Variants in RIMS2 observed in about 807,000 individuals in gnomAD.
RIMS2 encodes the protein regulating synaptic membrane exocytosis 2, also known as regulating synaptic membrane exocytosis protein 2.
RIMS2 carries 59 observed loss-of-function variants against 174.4 expected under a neutral mutation model. That is an observed-to-expected ratio of 0.34 (90% CI 0.27 to 0.42). The LOEUF (loss-of-function observed/expected upper bound fraction) is 0.42. Ranked by LOEUF, RIMS2 falls within the 10% of genes least tolerant of loss-of-function variation. RIMS2 has a pLI of 1.00. For synonymous variants in RIMS2, 606 were observed against 572.5 expected, an observed-to-expected ratio of 1.06 and a Z score of -0.84; for missense variants, 1,620 against 1,666.3, an observed-to-expected ratio of 0.97 and a Z score of 0.48.
At chr8:103,850,933 T>C (rs2098994422) in intron 3 of RIMS2, among the ~76,000 whole-genome samples, 1 of 152,042 alleles carries the variant, frequency 6.6e-6, no homozygotes, top group South Asian at 2.1e-4. Flanking sequence ...ATCTATGATG[T>C]CCTTGAGTGG....
chr8:103,581,898 G>A (rs755698467), intron 1 of RIMS2, among the ~76,000 whole-genome samples: 3 of 152,172 alleles, frequency 2.0e-5, no homozygotes, highest in South Asian at 2.1e-4. Context: ...GAACTAGGCC[G>A]AGAGACAGTG....
At chr8:103,800,309 G>A (rs1050964222) in intron 3 of RIMS2, among the ~76,000 whole-genome samples, 41 of 151,806 alleles carry the variant, frequency 2.7e-4, no homozygotes, top group African/African-American at 9.2e-4. Flanking sequence ...TTTTCAAGTC[G>A]TAAGCCTTTT....
chr8:103,878,689 G>T (rs1476061012), intron 3 of RIMS2, among the ~76,000 whole-genome samples: 4 of 150,558 alleles, frequency 2.7e-5, no homozygotes, highest in Non-Finnish European at 5.9e-5. Context: ...GAATTCACCT[G>T]GTCTTGAGCT....
In RIMS2 at chr8:103,895,556, G is replaced by A. The variant is rs1387151599; in HGVS notation, c.1624+9333G>A. Among the ~76,000 whole-genome samples the A allele has an allele frequency of 2.0e-5, 3 of 151,482 alleles. No homozygotes were observed. In the East Asian group the frequency reaches 5.8e-4, roughly 29 times the overall value. On this transcript the variant is annotated intron_variant, in intron 4 of 23. Transcript: ENST00000504942. ...CTTCACCTCAAAAACTATTGTATTG[G>A]GGATTAAGGCTTCAACACATGAATT...
intron 1 of RIMS2, among the ~76,000 whole-genome samples, chr8:103,532,002 T>G (rs1837413124): frequency 6.6e-6 from 1 of 152,216 alleles, no homozygotes; most frequent in Admixed American, 6.5e-5. Context: ...TTATATGCAA[T>G]AAAGTAGAAT....
intron 19 of RIMS2, among the ~76,000 whole-genome samples, chr8:104,191,195 G>A (rs1218166977): frequency 1.3e-5 from 2 of 151,964 alleles, no homozygotes; most frequent in African/African-American, 2.4e-5. Flanking sequence ...GGTATTTATG[G>A]TGGGTTTCTC....
intron 19 of RIMS2, among the ~76,000 whole-genome samples, chr8:104,212,894 A>G (rs2137836972): frequency 6.6e-6 from 1 of 152,290 alleles, no homozygotes; most frequent in South Asian, 2.1e-4. Flanking sequence ...ATGGTTGAGT[A>G]TGGTGGGGGT....
intron 1 of RIMS2, among the ~76,000 whole-genome samples, chr8:103,663,622 G>A (rs546407985): frequency 2.0e-5 from 3 of 152,222 alleles, no homozygotes; most frequent in Non-Finnish European, 4.4e-5. Flanking sequence ...ACTGCTCAAC[G>A]AAATAAAAGA....
intron 1 of RIMS2, among the ~76,000 whole-genome samples, chr8:103,520,211 C>T (rs1055064194): frequency 6.6e-6 from 1 of 152,080 alleles, no homozygotes; most frequent in African/African-American, 2.4e-5. Context: ...GTGACGGGTA[C>T]ACAGAAGACA....
intron 3 of RIMS2, among the ~76,000 whole-genome samples, chr8:103,833,964 G>GT (rs2098841849): frequency 6.6e-6 from 1 of 152,068 alleles, no homozygotes; most frequent in Admixed American, 6.6e-5. Flanking sequence ...TCTGAAATTA[G>GT]TTTGTCCCTC....
chr8:104,207,894 A>T (rs1284033631), intron 19 of RIMS2, among the ~76,000 whole-genome samples: 4 of 151,268 alleles, frequency 2.6e-5, no homozygotes, highest in African/African-American at 9.7e-5. Flanking sequence ...CACTGCATAA[A>T]TGAGACACAG....
intron 19 of RIMS2, among the ~76,000 whole-genome samples, chr8:104,209,620 C>G (rs963632827): frequency 6.6e-6 from 1 of 152,046 alleles, no homozygotes; most frequent in African/African-American, 2.4e-5. Context: ...TGTCTGTTTC[C>G]CCTTGCTAGA....
intron 1 of RIMS2, among the ~76,000 whole-genome samples, chr8:103,583,961 C>G (rs2093760452): frequency 6.6e-6 from 1 of 152,074 alleles, no homozygotes; most frequent in South Asian, 2.1e-4. Flanking sequence ...TATCCAAGTA[C>G]AAGAAGGTTA....
chr8:103,785,744 G>T (rs1244803445), intron 3 of RIMS2, among the ~76,000 whole-genome samples: 4 of 152,142 alleles, frequency 2.6e-5, no homozygotes, highest in Non-Finnish European at 5.9e-5. Context: ...TGTTTGTTTT[G>T]TCTCTGCCTG....
At chr8:103,703,974 G>A (rs1269559625) in intron 2 of RIMS2, among the ~76,000 whole-genome samples, 2 of 151,742 alleles carry the variant, frequency 1.3e-5, no homozygotes, top group Non-Finnish European at 2.9e-5. Flanking sequence ...AATGCCTTTT[G>A]TCTATTTCTG....
At chr8:104,104,096 AG>A (rs1225372315) in intron 19 of RIMS2, among the ~76,000 whole-genome samples, 1 of 152,240 alleles carries the variant, frequency 6.6e-6, no homozygotes, top group Non-Finnish European at 1.5e-5. Flanking sequence ...AAAATAGATA[AG>A]TTATTAGATA....
chr8:104,138,942 T>C (rs2098544462), intron 19 of RIMS2, among the ~76,000 whole-genome samples: 1 of 152,214 alleles, frequency 6.6e-6, no homozygotes, highest in Non-Finnish European at 1.5e-5. Context: ...TTGATTTTTG[T>C]ATATGGCAAG....
Position 103,823,365 on chromosome 8 carries a change from A to G in RIMS2, c.698+56828A>G, listed in dbSNP as rs572824666. Among the ~76,000 whole-genome samples, 6 of 152,004 alleles carry G rather than the reference A, an allele frequency of 3.9e-5. No homozygotes were observed. The East Asian group carries it at 1.2e-3, about 29-fold the overall frequency. Reference sequence around the variant, plus strand: ...TGCAAGTAAGATAACCATACGATCCACTTTGTCTGGAGTACTCCCAGTTTA... The same window carrying G: ...TGCAAGTAAGATAACCATACGATCCGCTTTGTCTGGAGTACTCCCAGTTTA... On this transcript the variant is annotated intron_variant, in intron 3 of 23. Transcript: ENST00000504942.
At chr8:103,661,186 A>G (rs2096595644) in intron 1 of RIMS2, among the ~76,000 whole-genome samples, 1 of 152,224 alleles carries the variant, frequency 6.6e-6, no homozygotes, top group African/African-American at 2.4e-5. Context: ...AGATTCAGCT[A>G]TATAATTGCA....
Sources: gnomAD v4.1 joint callset for allele counts (sites outside exome capture counted in the v4.1 genomes callset) on GRCh38, gnomAD v4.1.1 for gene constraint, MANE v1.5 for transcripts, NCBI Gene and HGNC (gene_info 2026-07-23, HGNC 2026-07-21) for gene names.